GIMAP1: variants seen among roughly 807,000 people sequenced by gnomAD.
GIMAP1 encodes the protein GTPase, IMAP family member 1.
For synonymous variants in GIMAP1, 230 were observed against 187.7 expected, an observed-to-expected ratio of 1.23 and a Z score of -1.84; for missense variants, 423 against 411.9, an observed-to-expected ratio of 1.03 and a Z score of -0.23.
At chr7:150,719,354 G>C in intron 2 of GIMAP1, 1 of 478,468 alleles carries the variant, frequency 2.1e-6, no homozygotes, top group Non-Finnish European at 3.7e-6. Context: ...AAGAAGTGCA[G>C]AGGGGATTAA....
intron 2 of GIMAP1, among the ~76,000 whole-genome samples, chr7:150,719,832 G>T (rs1363121305): frequency 6.6e-6 from 1 of 152,244 alleles, no homozygotes; most frequent in East Asian, 1.9e-4. Context: ...GAACTATTGG[G>T]CTGGACTGAT....
chr7:150,718,490 G>A (rs1035576671), intron 1 of GIMAP1, among the ~76,000 whole-genome samples: 6 of 152,120 alleles, frequency 3.9e-5, no homozygotes, highest in Non-Finnish European at 8.8e-5. Context: ...ACTTGAAGGT[G>A]GGTGCCTAAG....
chr7:150,719,156 T>C, intron 2 of GIMAP1, 66 bp downstream of exon 2: 2 of 1,603,998 alleles, frequency 1.2e-6, no homozygotes, highest in Non-Finnish European at 1.7e-6. Context: ...ATAAGGAGAA[T>C]GGGGCTTCCT....
rs756928324 is a variant in GIMAP1 at position 150,720,209 on chromosome 7, G to GCAGCCACGTCTGTGACCAGGGCCT, written c.205_206insCAGCCACGTCTGTGACCAGGGCCT (p.Gly69delinsAlaAlaThrSerValThrArgAlaCys). 6.2e-7 allele frequency: 1 copy of GCAGCCACGTCTGTGACCAGGGCCT among 1,614,070 alleles called. No individual in the cohort carries two copies. The highest frequency in any genetic ancestry group is 1.3e-5 in the African/African-American group (1 of 74,950). On this transcript the variant is annotated protein_altering_variant, in exon 3 of 3. Transcript: ENST00000307194. This position sits in a 1 kb window ranked among gnomAD's most constrained non-coding sequence, Gnocchi z 4.5. ...GTCTGTGACCAGGGCCTGCACCACG[G>GCAGCCACGTCTGTGACCAGGGCCT]GCAGCCGCAGGTGGGACAAGTGCCA...
chr7:150,720,973 T>C lies in GIMAP1; in HGVS notation c.*48T>C, dbSNP rs760976010. 7.0e-7 allele frequency: 1 copy of C among 1,437,728 alleles called. No homozygotes were observed. The allele number at this position is 1,437,728 out of a possible 1,614,324, so 89.1% of individuals were successfully genotyped here. On this transcript the variant is annotated 3_prime_UTR_variant, in exon 3 of 3. Transcript: ENST00000307194. The surrounding 1 kb of genome is among the most constrained non-coding windows in gnomAD (Gnocchi z 4.5). The stretch of plus-strand genomic sequence containing the variant: ...GGCAACTTGGTTAAGGGAGGCTGAA[T>C]TCTTGGAGCTGAAGGGAAAACTTCA...
rs1797320696 is a variant in GIMAP1, at chr7:150,722,429, T to C, written c.*1504T>C. On this transcript the variant is annotated 3_prime_UTR_variant, in exon 3 of 3. Transcript: ENST00000307194. ...GGGTCCTGAGGGCCTTGGTGACCGC[T>C]GCAGGGAGTTGGACTTTTTGAAGCG... 1 of 152,502 alleles carries C rather than the reference T, an allele frequency of 6.6e-6. No individual in the cohort carries two copies. Among genetic ancestry groups the C allele is most frequent in the African/African-American group, 2.4e-5 (1 of 41,468 alleles). 9.4% of individuals were successfully genotyped at this position (152,502 alleles called of 1,614,324 possible).
Position 150,721,410 on chromosome 7 carries a change from A to G in GIMAP1, c.*485A>G, listed in dbSNP as rs1043145898. On this transcript the variant is annotated 3_prime_UTR_variant, in exon 3 of 3. Coordinates refer to ENST00000307194, the MANE Select transcript of GIMAP1 (RefSeq NM_130759.4). ...AATGTTACTTCTGAGACATCAGTTT[A>G]TAGTACAATGATTTACTACCAAAAA... The G allele has an allele frequency of 2.0e-5, 3 of 153,012 alleles. No individual in the cohort carries two copies. The highest frequency in any genetic ancestry group is 7.2e-5 in the African/African-American group (3 of 41,486). 9.5% of individuals were successfully genotyped at this position (153,012 alleles called of 1,614,324 possible). A position where few individuals can be genotyped will look rare whatever the true frequency, so the allele number is the denominator to read the frequency against.
Position 150,720,211 on chromosome 7 carries a change from C to G in GIMAP1, c.207C>G (p.Gly69=). 6.2e-7 allele frequency: 1 copy of G among 1,614,152 alleles called. No homozygotes were observed. Among genetic ancestry groups the G allele is most frequent in the South Asian group, 1.1e-5 (1 of 91,086 alleles). The change falls in exon 3 of 3, where the codon GGC becomes GGG. Residue 69 remains glycine (G), a synonymous_variant. Coordinates refer to ENST00000307194, the MANE Select transcript of GIMAP1 (RefSeq NM_130759.4). This position sits in a 1 kb window ranked among gnomAD's most constrained non-coding sequence, Gnocchi z 4.5. ...CTGTGACCAGGGCCTGCACCACGGG[C>G]AGCCGCAGGTGGGACAAGTGCCACG... ...ATSVTRACTT[G]SRRWDKCHVE... is the part of the protein sequence containing the mutation.
In GIMAP1 at chr7:150,720,179, G is replaced by A. The variant is rs867616370; in HGVS notation, c.175G>A (p.Ala59Thr). The change falls in exon 3 of 3, where the codon GCC becomes ACC. Residue 59 changes from alanine to threonine, a missense_variant. Physicochemically the swap from Ala to Thr is moderately conservative, Grantham distance 58. Transcript: ENST00000307194. This position sits in a 1 kb window ranked among gnomAD's most constrained non-coding sequence, Gnocchi z 4.5. ...GAGACGGTTCTTCTCCAGGCTGGGG[G>A]CCACGTCTGTGACCAGGGCCTGCAC... ...GQRRFFSRLG[A>T]TSVTRACTTG... 2.5e-6 allele frequency: 4 copies of A among 1,614,028 alleles called. No individual in the cohort carries two copies. The African/African-American group carries it at 5.3e-5, about 22-fold the overall frequency.
chr7:150,719,366 T>A (rs528273561), intron 2 of GIMAP1: 2 of 444,070 alleles, frequency 4.5e-6, no homozygotes, highest in South Asian at 4.5e-5. Flanking sequence ...GGGGATTAAA[T>A]CATGCACTAC....
intron 2 of GIMAP1, among the ~76,000 whole-genome samples, chr7:150,719,738 G>A (rs1388544117): frequency 2.0e-5 from 3 of 152,206 alleles, no homozygotes; most frequent in African/African-American, 7.2e-5. Flanking sequence ...GATGGTCTCT[G>A]GGAGAATATT....
chr7:150,718,179 A>G (rs1221813328), intron 1 of GIMAP1, among the ~76,000 whole-genome samples: 1 of 152,188 alleles, frequency 6.6e-6, no homozygotes, highest in African/African-American at 2.4e-5. Flanking sequence ...ACATAGATGC[A>G]GGGAGAAGTG....
At chr7:150,717,089 T>A (rs1797227649) in intron 1 of GIMAP1, among the ~76,000 whole-genome samples, 1 of 151,946 alleles carries the variant, frequency 6.6e-6, no homozygotes. Flanking sequence ...AACCTCGGAG[T>A]GAGTTACGAC....
In GIMAP1 at chr7:150,720,053, G is replaced by C. The variant is rs201408566; in HGVS notation, c.49G>C (p.Glu17Gln). 39 of 1,591,670 alleles carry C rather than the reference G, an allele frequency of 2.5e-5. No homozygotes were observed. The East Asian group carries it at 8.3e-4, about 34-fold the overall frequency. The change falls in exon 3 of 3, where the codon GAA becomes CAA. Residue 17 changes from glutamate to glutamine, a missense_variant. Transcript: ENST00000307194. This position sits in a 1 kb window ranked among gnomAD's most constrained non-coding sequence, Gnocchi z 4.5. ...ATDEENVYGL[E>Q]ENAQSRQEST... ...TATAACACTTGGTCTCACAGGTTTAGAAGAGAACGCTCAGTCCCGGCAGGA... is the reference window on the plus strand; with the variant it reads ...TATAACACTTGGTCTCACAGGTTTACAAGAGAACGCTCAGTCCCGGCAGGA...
chr7:150,721,052 CTT>C lies in GIMAP1; in HGVS notation c.*129_*130del. The C allele has an allele frequency of 1.1e-6, 1 of 926,978 alleles. No homozygotes were observed. The highest frequency in any genetic ancestry group is 1.5e-6 in the Non-Finnish European group (1 of 667,972). The allele number at this position is 926,978 out of a possible 1,614,324, so 57.4% of individuals were successfully genotyped here. On this transcript the variant is annotated 3_prime_UTR_variant, in exon 3 of 3. Coordinates refer to ENST00000307194, the MANE Select transcript of GIMAP1 (RefSeq NM_130759.4). Reference sequence around the variant, plus strand: ...GGCATAGTTTTAATGACACAGAAAACTTTGCTGCATCACCTTTGCAACTTTGC... The same window carrying C: ...GGCATAGTTTTAATGACACAGAAAACTGCTGCATCACCTTTGCAACTTTGC...
rs1797346105 is a variant in GIMAP1 at position 150,724,106 on chromosome 7, G to A, written c.*3181G>A. 1 of 152,020 alleles carries A rather than the reference G, an allele frequency of 6.6e-6. No homozygotes were observed. Among genetic ancestry groups the A allele is most frequent in the South Asian group, 2.1e-4 (1 of 4,818 alleles). The allele number at this position is 152,020 out of a possible 1,614,324, so 9.4% of individuals were successfully genotyped here. ...TTCCAGAGATTCACCTATGGATTCA[G>A]TACCCCAGAAGAGAATTTCTGTAAA... On this transcript the variant is annotated 3_prime_UTR_variant, in exon 3 of 3. Coordinates refer to ENST00000307194, the MANE Select transcript of GIMAP1 (RefSeq NM_130759.4).
In GIMAP1 at chr7:150,720,607, G is replaced by A; in HGVS notation, c.603G>A (p.Val201=). The A allele has an allele frequency of 6.2e-7, 1 of 1,613,724 alleles. No homozygotes were observed. The highest frequency in any genetic ancestry group is 1.3e-5 in the African/African-American group (1 of 75,066). ...CCGGCCGGGAGCAGGAAGCCCAGGT[G>A]GAGCAGCTGCTGGGGATGGTCGAGG... ...RATGREQEAQ[V]EQLLGMVEGL... is the part of the protein sequence containing the mutation. Residue 201 remains valine (V), a synonymous_variant, in exon 3 of 3, where the codon GTG becomes GTA. Coordinates refer to ENST00000307194, the MANE Select transcript of GIMAP1 (RefSeq NM_130759.4). This position sits in a 1 kb window ranked among gnomAD's most constrained non-coding sequence, Gnocchi z 4.5.
rs1201078916 is a variant in GIMAP1, at chr7:150,720,805, G to A, written c.801G>A (p.Trp267Ter). 1.3e-6 allele frequency: 2 copies of A among 1,594,200 alleles called. No individual in the cohort carries two copies. The highest frequency in any genetic ancestry group is 8.5e-7 in the Non-Finnish European group (1 of 1,171,748). ...GAWLSARLWK[W>*]LKSPRSWRLG... is the part of the protein sequence containing the mutation. ...GGCTGTCGGCCCGGCTGTGGAAGTGGCTGAAGTCCCCCAGGAGCTGGAGGC... is the reference window on the plus strand; with the variant it reads ...GGCTGTCGGCCCGGCTGTGGAAGTGACTGAAGTCCCCCAGGAGCTGGAGGC... Residue 267 changes from tryptophan (W) to a stop codon, truncating the protein, a stop_gained, in exon 3 of 3, where the codon TGG becomes TGA. Coordinates refer to ENST00000307194, the MANE Select transcript of GIMAP1 (RefSeq NM_130759.4). LOFTEE classifies it low-confidence loss of function (END_TRUNC). The surrounding 1 kb of genome is among the most constrained non-coding windows in gnomAD (Gnocchi z 4.5).
At position 150,721,307 on chromosome 7, in the gene GIMAP1, T is replaced by C; in HGVS notation, c.*382T>C. 1 of 167,956 alleles carries C rather than the reference T, an allele frequency of 6.0e-6. No individual in the cohort carries two copies. The highest frequency in any genetic ancestry group is 1.7e-4 in the East Asian group (1 of 5,838). 10.4% of individuals were successfully genotyped at this position (167,956 alleles called of 1,614,324 possible). On this transcript the variant is annotated 3_prime_UTR_variant, in exon 3 of 3. Transcript: ENST00000307194. ...CTCCTTGATAATTTTCTAGTTCTTA[T>C]ACATGGGTAGATAGGTTCCTTTGTG...
Sources: allele counts gnomAD v4.1 joint callset (sites outside exome capture counted in the v4.1 genomes callset), GRCh38; gene constraint gnomAD v4.1.1; non-coding constraint Gnocchi (gnomAD v3.1); transcripts MANE v1.5; gene names NCBI Gene and HGNC (gene_info 2026-07-23, HGNC 2026-07-21).